CDK17: variants seen among roughly 807,000 people sequenced by gnomAD.
CDK17 encodes cyclin dependent kinase 17, also known as cyclin-dependent kinase 17.
A neutral mutation model predicts 77.6 loss-of-function variants in CDK17; 24 were observed. The observed-to-expected ratio is 0.31, with a 90% CI of 0.22 to 0.44. The LOEUF (loss-of-function observed/expected upper bound fraction) is 0.44. Among genes scored for constraint, CDK17 ranks in the 20% least tolerant of loss-of-function variants. The probability of loss-of-function intolerance (pLI) is 1.00; values close to 1 mark genes in which losing one functional copy is unlikely to be tolerated. For synonymous variants in CDK17, 203 were observed against 210.4 expected, an observed-to-expected ratio of 0.96 and a Z score of 0.30; for missense variants, 429 against 622.5, an observed-to-expected ratio of 0.69 and a Z score of 3.31.
chr12:96,346,565 T>C (rs1488273060), intron 1 of CDK17, among the ~76,000 whole-genome samples: 1 of 151,064 alleles, frequency 6.6e-6, no homozygotes, highest in Non-Finnish European at 1.5e-5. Context: ...GAAGCGCAGC[T>C]TGCAGTGAGC....
chr12:96,298,975 A>G lies in CDK17; in HGVS notation c.609T>C (p.Tyr203=), dbSNP rs1361235908. Residue 203 remains tyrosine (Y), a synonymous_variant, in exon 7 of 17, where the codon TAT becomes TAC. Transcript: ENST00000261211. ...TACTTCTTCCTTTATATACTGTTGCATATGTACCCTATAAAATATATTTTT... is the reference window on the plus strand; with the variant it reads ...TACTTCTTCCTTTATATACTGTTGCGTATGTACCCTATAAAATATATTTTT... ...IKLEKLGEGT[Y]ATVYKGRSKL... The G allele has an allele frequency of 6.8e-7, 1 of 1,480,536 alleles. No individual in the cohort carries two copies. Among genetic ancestry groups the G allele is most frequent in the South Asian group, 1.2e-5 (1 of 86,600 alleles). 91.7% of individuals were successfully genotyped at this position (1,480,536 alleles called of 1,614,324 possible).
intron 1 of CDK17, among the ~76,000 whole-genome samples, chr12:96,366,623 A>C (rs1183204730): frequency 6.6e-6 from 1 of 152,216 alleles, no homozygotes; most frequent in Non-Finnish European, 1.5e-5. Context: ...GCTAACACCC[A>C]CAGTTTGATC....
chr12:96,316,588 C>T (rs1388942375), intron 3 of CDK17, among the ~76,000 whole-genome samples: 4 of 143,892 alleles, frequency 2.8e-5, no homozygotes, highest in South Asian at 4.5e-4. Flanking sequence ...AGTGGTTCTC[C>T]CAGCACGCAG....
At position 96,384,728 on chromosome 12, in the gene CDK17, T is replaced by C. The variant is rs1010944699; in HGVS notation, c.-30+15258A>G. Among the ~76,000 whole-genome samples, 8 of 152,206 alleles carry C rather than the reference T, an allele frequency of 5.3e-5. 1 individual carries two copies. Among genetic ancestry groups the C allele is most frequent in the African/African-American group, 1.4e-4 (6 of 41,540 alleles). On this transcript the variant is annotated intron_variant, in intron 1 of 16. Coordinates refer to ENST00000261211, the MANE Select transcript of CDK17 (RefSeq NM_002595.5). Reference sequence around the variant, plus strand: ...ACATTGAGCACACATGGACGTAAGATAGGAACAGCTGAGCAGGGTGGCTAA... The same window carrying C: ...ACATTGAGCACACATGGACGTAAGACAGGAACAGCTGAGCAGGGTGGCTAA...
At chr12:96,368,898 A>C (rs1953643462) in intron 1 of CDK17, among the ~76,000 whole-genome samples, 1 of 151,128 alleles carries the variant, frequency 6.6e-6, no homozygotes, top group Non-Finnish European at 1.5e-5. Flanking sequence ...TCTTTAAAGA[A>C]ACAGTTTGAA....
chr12:96,335,179 T>G, intron 1 of CDK17: 1 of 393,898 alleles, frequency 2.5e-6, no homozygotes, highest in Non-Finnish European at 4.8e-6. Flanking sequence ...TAGTAAAATA[T>G]CAATATTATT....
intron 1 of CDK17, among the ~76,000 whole-genome samples, chr12:96,358,977 G>C (rs1282224222): frequency 7.2e-6 from 1 of 139,344 alleles, no homozygotes; most frequent in Non-Finnish European, 1.6e-5. Context: ...TGGTCAGATG[G>C]CTTTTTTTTT....
At chr12:96,363,790 C>T (rs1007599494) in intron 1 of CDK17, among the ~76,000 whole-genome samples, 2 of 152,144 alleles carry the variant, frequency 1.3e-5, no homozygotes, top group African/African-American at 4.8e-5. Context: ...GTGGAGGTTG[C>T]TGCGAGCTGA....
rs1340062822 is a variant in CDK17, at chr12:96,286,037, A to T, written c.1322+6T>A. The stretch of plus-strand genomic sequence containing the variant: ...TTCCCCCCTTTCACATAAGAAAAAA[A>T]AATACCTGGGTGCGTGGTTAATTAG... On this transcript the variant is annotated splice_donor_region_variant and intron_variant, in intron 13 of 16. Transcript: ENST00000261211. 1 of 1,482,266 alleles carries T rather than the reference A, an allele frequency of 6.7e-7. No homozygotes were observed. Among genetic ancestry groups the T allele is most frequent in the Admixed American group, 1.7e-5 (1 of 58,034 alleles). 91.8% of individuals were successfully genotyped at this position (1,482,266 alleles called of 1,614,324 possible).
At chr12:96,310,524 C>T (rs1952633357) in intron 5 of CDK17, among the ~76,000 whole-genome samples, 1 of 151,948 alleles carries the variant, frequency 6.6e-6, no homozygotes, top group African/African-American at 2.4e-5. Context: ...TAAAACTAAT[C>T]TTTAGCATCA....
chr12:96,388,223 A>C (rs544883747), intron 1 of CDK17, among the ~76,000 whole-genome samples: 100 of 152,352 alleles, frequency 6.6e-4, no homozygotes, highest in Non-Finnish European at 1.2e-3. Flanking sequence ...AGGCCTAAAC[A>C]AGTGGAACAG....
chr12:96,389,767 T>A (rs1954037204), intron 1 of CDK17, among the ~76,000 whole-genome samples: 1 of 152,152 alleles, frequency 6.6e-6, no homozygotes, highest in South Asian at 2.1e-4. Flanking sequence ...CGAACTAATA[T>A]TTAAAATAAA....
chr12:96,283,820 ATTTG>A (rs1318712512), intron 13 of CDK17, among the ~76,000 whole-genome samples, 175 bp from the exon 14 acceptor site: 1 of 152,198 alleles, frequency 6.6e-6, no homozygotes, highest in Non-Finnish European at 1.5e-5. Flanking sequence ...TGGCCTTGCT[ATTTG>A]TTTAAGGATA....
At chr12:96,390,120 G>A (rs1470622084) in intron 1 of CDK17, among the ~76,000 whole-genome samples, 3 of 148,206 alleles carry the variant, frequency 2.0e-5, no homozygotes, top group Non-Finnish European at 3.0e-5. Context: ...GAGACAGCGC[G>A]CCCGGCTGAA....
chr12:96,290,284 C>T (rs2137072237), intron 10 of CDK17, among the ~76,000 whole-genome samples: 1 of 152,248 alleles, frequency 6.6e-6, no homozygotes, highest in Non-Finnish European at 1.5e-5. Context: ...TACCTCGAAG[C>T]CTCTAAATTA....
intron 5 of CDK17, among the ~76,000 whole-genome samples, chr12:96,305,605 T>C (rs1952566874): frequency 6.6e-6 from 1 of 152,024 alleles, no homozygotes; most frequent in African/African-American, 2.4e-5. Flanking sequence ...AAAGATGGGA[T>C]AGTAAGGGGG....
chr12:96,386,265 G>GT (rs1953973010), intron 1 of CDK17, among the ~76,000 whole-genome samples: 1 of 152,108 alleles, frequency 6.6e-6, no homozygotes, highest in African/African-American at 2.4e-5. Flanking sequence ...CAAAGTGCTG[G>GT]GATTACAGAC....
intron 1 of CDK17, among the ~76,000 whole-genome samples, chr12:96,380,020 T>G (rs1953849770): frequency 6.6e-6 from 1 of 151,374 alleles, no homozygotes; most frequent in African/African-American, 2.4e-5. Flanking sequence ...AATACAAAAA[T>G]TAGCTGTGCA....
chr12:96,295,021 T>C lies in CDK17; in HGVS notation c.975A>G (p.Gly325=). 6.2e-7 allele frequency: 1 copy of C among 1,612,014 alleles called. No homozygotes were observed. The highest frequency in any genetic ancestry group is 8.5e-7 in the Non-Finnish European group (1 of 1,179,064). Reference sequence around the variant, plus strand: ...TACCAAAATCTGCTAGCTTTAATTCTCCTTTCTCATTAATGAGGAGGTTCT... The same window carrying C: ...TACCAAAATCTGCTAGCTTTAATTCCCCTTTCTCATTAATGAGGAGGTTCT... The part of the protein sequence containing the change: ...KPQNLLINEK[G]ELKLADFGLA... The change falls in exon 10 of 17, where the codon GGA becomes GGG. Residue 325 remains glycine, a synonymous_variant. Coordinates refer to ENST00000261211, the MANE Select transcript of CDK17 (RefSeq NM_002595.5).
Sources: gnomAD v4.1 joint callset for allele counts (sites outside exome capture counted in the v4.1 genomes callset) on GRCh38, gnomAD v4.1.1 for gene constraint, MANE v1.5 for transcripts, NCBI Gene and HGNC (gene_info 2026-07-23, HGNC 2026-07-21) for gene names.